Variants in MYO3B observed in about 807,000 individuals in gnomAD.
MYO3B encodes the protein myosin IIIB.
MYO3B carries 156 observed loss-of-function variants against 174.6 expected under a neutral mutation model. That is an observed-to-expected ratio of 0.89 (90% confidence interval 0.78 to 1.02). The LOEUF is 1.02. MYO3B is among the 50% of genes least tolerant of loss of function. The probability of loss-of-function intolerance (pLI) is 0.00; values close to 1 mark genes in which losing one functional copy is unlikely to be tolerated. For synonymous variants in MYO3B, 563 were observed against 569.1 expected (o/e 0.99, Z 0.15); for missense variants, 1,632 against 1,639.4 (o/e 1.00, Z 0.08).
chr2:170,252,307 C>T (rs2093262113), intron 7 of MYO3B, among the ~76,000 whole-genome samples: 2 of 152,130 alleles, frequency 1.3e-5, no homozygotes, highest in African/African-American at 4.8e-5. Flanking sequence ...AATATGCTCT[C>T]CAACTGGAAA....
intron 32 of MYO3B, among the ~76,000 whole-genome samples, chr2:170,631,281 A>G (rs1332052488): frequency 6.6e-6 from 1 of 152,202 alleles, no homozygotes; most frequent in East Asian, 1.9e-4. Context: ...GACTCTATCA[A>G]CTGGAAGAAA....
chr2:170,324,766 G>T (rs2093853206), intron 7 of MYO3B, among the ~76,000 whole-genome samples: 1 of 152,210 alleles, frequency 6.6e-6, no homozygotes, highest in African/African-American at 2.4e-5. Flanking sequence ...GCACTAGAAG[G>T]CCACTGCAGG....
chr2:170,652,627 A>G (rs991776005), intron 34 of MYO3B, among the ~76,000 whole-genome samples: 3 of 152,238 alleles, frequency 2.0e-5, no homozygotes, highest in Non-Finnish European at 4.4e-5. Flanking sequence ...GCAATGAAGT[A>G]CATAATGGTA....
At chr2:170,537,622 T>C (rs1330950364) in intron 30 of MYO3B, among the ~76,000 whole-genome samples, 1 of 151,826 alleles carries the variant, frequency 6.6e-6, no homozygotes, top group Non-Finnish European at 1.5e-5. Context: ...AGTTTTTGTA[T>C]TTTTTGTAGA....
chr2:170,184,345 C>G (rs2092438218), intron 1 of MYO3B, among the ~76,000 whole-genome samples: 1 of 151,806 alleles, frequency 6.6e-6, no homozygotes, highest in Non-Finnish European at 1.5e-5. Context: ...TCACCACTAC[C>G]CTTCCCAGCC....
chr2:170,471,343 C>A (rs891755775), intron 25 of MYO3B, among the ~76,000 whole-genome samples: 3 of 152,114 alleles, frequency 2.0e-5, no homozygotes, highest in African/African-American at 7.2e-5. Flanking sequence ...ACCCACTGTG[C>A]CTGGCCTGGG....
intron 28 of MYO3B, among the ~76,000 whole-genome samples, chr2:170,510,098 G>T (rs1312168445): frequency 1.3e-5 from 2 of 152,194 alleles, no homozygotes; most frequent in African/African-American, 4.8e-5. Flanking sequence ...CAAGTAACTA[G>T]AGCCTGCTAA....
At chr2:170,244,123 A>T (rs1054015536) in intron 7 of MYO3B, among the ~76,000 whole-genome samples, 9 of 152,084 alleles carry the variant, frequency 5.9e-5, no homozygotes, top group Admixed American at 3.9e-4. Context: ...CAGTTCTATC[A>T]GTTTTTGTGG....
chr2:170,246,396 C>T (rs1226685749), intron 7 of MYO3B, among the ~76,000 whole-genome samples: 2 of 152,128 alleles, frequency 1.3e-5, no homozygotes, highest in Non-Finnish European at 1.5e-5. Flanking sequence ...AAGTTTTAAC[C>T]TCCAGTACTT....
chr2:170,343,525 G>A (rs2093993201), intron 8 of MYO3B: 2 of 152,360 alleles, frequency 1.3e-5, no homozygotes, highest in South Asian at 4.1e-4. Flanking sequence ...TCCAAGTTGA[G>A]CATCTCTCTC....
chr2:170,396,553 T>G (rs1326252861), intron 16 of MYO3B, among the ~76,000 whole-genome samples: 1 of 152,138 alleles, frequency 6.6e-6, no homozygotes, highest in African/African-American at 2.4e-5. Flanking sequence ...TCTCACTAAA[T>G]CAAGGAAGGA....
chr2:170,384,040 T>C (rs2048987), intron 12 of MYO3B: 293,439 of 461,906 alleles, frequency 0.64, 97,470 homozygotes, highest in African/African-American at 0.81. Context: ...TCACATGAGG[T>C]GCGCTCATTT....
chr2:170,594,209 A>G (rs946853349), intron 32 of MYO3B, among the ~76,000 whole-genome samples: 5 of 152,106 alleles, frequency 3.3e-5, no homozygotes, highest in Non-Finnish European at 7.3e-5. Flanking sequence ...GAGACTTTAT[A>G]TATGGCTACC....
intron 25 of MYO3B, among the ~76,000 whole-genome samples, chr2:170,485,957 G>A (rs1472352276): frequency 1.3e-5 from 2 of 152,150 alleles, no homozygotes; most frequent in Non-Finnish European, 2.9e-5. Flanking sequence ...CTAAAATGCA[G>A]ATTGGTGGGC....
At chr2:170,569,331 A>G (rs1290344438) in intron 32 of MYO3B, among the ~76,000 whole-genome samples, 1 of 152,094 alleles carries the variant, frequency 6.6e-6, no homozygotes, top group African/African-American at 2.4e-5. Flanking sequence ...ACTCAAATAT[A>G]TGTTCTTCCC....
intron 8 of MYO3B, among the ~76,000 whole-genome samples, chr2:170,365,189 G>T (rs985378843): frequency 6.6e-6 from 1 of 152,172 alleles, no homozygotes; most frequent in African/African-American, 2.4e-5. Context: ...AAGCAGGAAG[G>T]GTCCTCCTGT....
At chr2:170,392,528 C>A (rs769546185) in intron 16 of MYO3B, 33 bp downstream of exon 16, 1 of 1,338,382 alleles carries the variant, frequency 7.5e-7, no homozygotes, top group East Asian at 2.5e-5. Flanking sequence ...ACTCAAGTGA[C>A]AATATTCTTA....
At chr2:170,262,316 G>T (rs896096225) in intron 7 of MYO3B, among the ~76,000 whole-genome samples, 5 of 152,170 alleles carry the variant, frequency 3.3e-5, no homozygotes, top group African/African-American at 1.2e-4. Flanking sequence ...GGGGCTAGAT[G>T]GTTACCTTGA....
At chr2:170,485,180 A>G (rs995425697) in intron 25 of MYO3B, among the ~76,000 whole-genome samples, 8 of 152,176 alleles carry the variant, frequency 5.3e-5, no homozygotes, top group African/African-American at 1.7e-4. Context: ...ATTTGGGCCC[A>G]TTACAATAAA....
Sources: gnomAD v4.1 joint callset for allele counts (sites outside exome capture counted in the v4.1 genomes callset) on GRCh38, gnomAD v4.1.1 for gene constraint, MANE v1.5 for transcripts, NCBI Gene and HGNC (gene_info 2026-07-23, HGNC 2026-07-21) for gene names.